PGS1: variants seen among roughly 807,000 people sequenced by gnomAD.
PGS1 encodes phosphatidylglycerophosphate synthase 1.
In PGS1, 44 loss-of-function variants were observed where a neutral mutation model predicts 58.3. That is an observed-to-expected ratio of 0.75 (90% CI 0.59 to 0.97). The LOEUF (loss-of-function observed/expected upper bound fraction) is 0.97, where lower values mean the gene tolerates loss of function less well. PGS1 is among the 50% of genes least tolerant of loss of function. The pLI is 0.00. For missense variants in PGS1, 684 were observed against 731.1 expected (o/e 0.94, Z 0.74); for synonymous variants, 330 against 311.0 (o/e 1.06, Z -0.64).
chr17:78,395,630 C>T (rs1166683828), intron 2 of PGS1, among the ~76,000 whole-genome samples: 1 of 152,142 alleles, frequency 6.6e-6, no homozygotes, highest in Admixed American at 6.5e-5. Context: ...TTTGGGGTAT[C>T]ATCTTGGGGC....
intron 7 of PGS1, among the ~76,000 whole-genome samples, chr17:78,404,322 C>A (rs1284808988): frequency 7.1e-6 from 1 of 141,574 alleles, no homozygotes; most frequent in African/African-American, 2.7e-5. Context: ...TGCTCTGTTT[C>A]CCAGGCTGGA....
intron 7 of PGS1, among the ~76,000 whole-genome samples, chr17:78,410,301 C>T (rs1399122203): frequency 4.7e-5 from 7 of 147,618 alleles, no homozygotes; most frequent in South Asian, 2.2e-4. Flanking sequence ...TGGTTACAGC[C>T]GCCTGTAATC....
At position 78,378,677 on chromosome 17, in the gene PGS1, G is replaced by C. The variant is rs2081805199; in HGVS notation, c.12G>C (p.Ala4=). 6.5e-7 allele frequency: 1 copy of C among 1,533,182 alleles called. No homozygotes were observed. Among genetic ancestry groups the C allele is most frequent in the African/African-American group, 1.4e-5 (1 of 70,250 alleles). The allele number at this position is 1,533,182 out of a possible 1,614,324, so 95.0% of individuals were successfully genotyped here. ...AGCGGCGAGTCTCCATGGCGGTGGC[G>C]GCGGCAGCTGCGGCGGGACCCGTGT... The part of the protein sequence containing the change: MAV[A]AAAAAGPVFW... The change falls in exon 1 of 10, where the codon GCG becomes GCC. Residue 4 remains alanine (A), a synonymous_variant. Coordinates refer to ENST00000262764, the MANE Select transcript of PGS1 (RefSeq NM_024419.5).
intron 2 of PGS1, among the ~76,000 whole-genome samples, chr17:78,394,664 T>C (rs1198113422): frequency 2.6e-5 from 4 of 152,050 alleles, no homozygotes; most frequent in African/African-American, 9.7e-5. Flanking sequence ...CAAGTGATTC[T>C]CCTGCCTCAG....
chr17:78,421,519 G>T (rs758824680), intron 9 of PGS1: 2 of 152,386 alleles, frequency 1.3e-5, no homozygotes, highest in Non-Finnish European at 2.9e-5. Context: ...TAGGTGGAGC[G>T]GCGGCCTGGC....
At chr17:78,395,985 C>A (rs1052538498) in intron 2 of PGS1, among the ~76,000 whole-genome samples, 6 of 152,258 alleles carry the variant, frequency 3.9e-5, no homozygotes, top group African/African-American at 1.4e-4. Flanking sequence ...AGTGATCTGC[C>A]TGCCTCGGCC....
intron 7 of PGS1, among the ~76,000 whole-genome samples, chr17:78,412,680 T>C (rs1297279210): frequency 6.6e-6 from 1 of 152,144 alleles, no homozygotes; most frequent in Non-Finnish European, 1.5e-5. Context: ...CACCGAGTCA[T>C]GGTGGCGTGA....
chr17:78,390,480 G>A (rs1449691097), intron 1 of PGS1, among the ~76,000 whole-genome samples: 1 of 152,224 alleles, frequency 6.6e-6, no homozygotes, highest in Non-Finnish European at 1.5e-5. Context: ...GGGAAGTGCA[G>A]CTGTGGGCCA....
At position 78,414,887 on chromosome 17, in the gene PGS1, C is replaced by T. The variant is rs2085042456; in HGVS notation, c.1411C>T (p.Leu471=). 2 of 1,614,134 alleles carry T rather than the reference C, an allele frequency of 1.2e-6. No individual in the cohort carries two copies. Among genetic ancestry groups the T allele is most frequent in the Non-Finnish European group, 8.5e-7 (1 of 1,179,974 alleles). ...TTTCCTTTTCCCCGCAGGCCTCTGGCTGTACCTGGCAGGGAGCAGCCTGCC... is the reference window on the plus strand; with the variant it reads ...TTTCCTTTTCCCCGCAGGCCTCTGGTTGTACCTGGCAGGGAGCAGCCTGCC... ...GWTFHAKGLW[L]YLAGSSLPCL... The change falls in exon 8 of 10, where the codon CTG becomes TTG. Residue 471 remains leucine (L), a synonymous_variant. Coordinates refer to ENST00000262764, the MANE Select transcript of PGS1 (RefSeq NM_024419.5).
intron 9 of PGS1, chr17:78,420,997 A>AAAATTAATTTTTT (rs2085681206): frequency 2.0e-5 from 3 of 152,338 alleles, no homozygotes; most frequent in Admixed American, 1.3e-4. Flanking sequence ...CACTTGCCTT[A>AAAATTAATTTTTT]AAATTAATTT....
intron 7 of PGS1, among the ~76,000 whole-genome samples, chr17:78,406,162 C>G (rs1260398602): frequency 6.6e-6 from 1 of 151,938 alleles, no homozygotes; most frequent in African/African-American, 2.4e-5. Flanking sequence ...TAAAAAAATA[C>G]AAAAAATTAG....
chr17:78,390,524 G>C (rs1484575261), intron 1 of PGS1, among the ~76,000 whole-genome samples: 2 of 152,200 alleles, frequency 1.3e-5, no homozygotes, highest in Non-Finnish European at 1.5e-5. Flanking sequence ...TACGAAGCCT[G>C]GGAAGATTGA....
chr17:78,379,746 T>C (rs1029963294), intron 1 of PGS1, among the ~76,000 whole-genome samples: 2 of 149,868 alleles, frequency 1.3e-5, no homozygotes, highest in African/African-American at 4.9e-5. Context: ...GGAGAATCGC[T>C]TGAACCCAGG....
At chr17:78,393,321 A>G (rs889028892) in intron 2 of PGS1, among the ~76,000 whole-genome samples, 1 of 152,084 alleles carries the variant, frequency 6.6e-6, no homozygotes, top group African/African-American at 2.4e-5. Context: ...CGGCCTCCCA[A>G]AGTGCTGGGA....
intron 1 of PGS1, among the ~76,000 whole-genome samples, chr17:78,380,353 C>G (rs945978925): frequency 6.6e-6 from 1 of 152,098 alleles, no homozygotes; most frequent in African/African-American, 2.4e-5. Flanking sequence ...TGTACTGATT[C>G]TAGGTACAGA....
At chr17:78,388,843 C>T (rs1247100607) in intron 1 of PGS1, among the ~76,000 whole-genome samples, 4 of 152,084 alleles carry the variant, frequency 2.6e-5, no homozygotes, top group Admixed American at 6.6e-5. Flanking sequence ...TTAATTTTAG[C>T]ATCTTTTCTT....
In PGS1 at chr17:78,392,401, A is replaced by G. The variant is rs115162263; in HGVS notation, c.144-75A>G. On this transcript the variant is annotated intron_variant, in intron 1 of 9. Transcript: ENST00000262764. Reference sequence around the variant, plus strand: ...ATCTCCCAGCCCCTCTTCACTCCCCAGTAACTGAGGGGGGCTTCTGCAGAA... The same window carrying G: ...ATCTCCCAGCCCCTCTTCACTCCCCGGTAACTGAGGGGGGCTTCTGCAGAA... 1.5e-3 allele frequency: 1,615 copies of G among 1,058,470 alleles called. 18 individuals carry two copies. The African/African-American group carries it at 0.023, about 15-fold the overall frequency. The allele number at this position is 1,058,470 out of a possible 1,614,324, so 65.6% of individuals were successfully genotyped here.
At chr17:78,418,064 G>A (rs1295968649) in intron 8 of PGS1, among the ~76,000 whole-genome samples, 1 of 151,340 alleles carries the variant, frequency 6.6e-6, no homozygotes, top group Non-Finnish European at 1.5e-5. Flanking sequence ...TGAGTAGCTG[G>A]GATTATGGGT....
At chr17:78,390,367 A>C (rs931517722) in intron 1 of PGS1, among the ~76,000 whole-genome samples, 8 of 151,802 alleles carry the variant, frequency 5.3e-5, no homozygotes, top group African/African-American at 9.7e-5. Context: ...CTGGGTGGCC[A>C]CGGCCAGTCG....
Sources: gnomAD v4.1 joint callset for allele counts (sites outside exome capture counted in the v4.1 genomes callset) on GRCh38, gnomAD v4.1.1 for gene constraint, MANE v1.5 for transcripts, NCBI Gene and HGNC (gene_info 2026-07-23, HGNC 2026-07-21) for gene names.